Variants in CHRNG observed in about 807,000 individuals in gnomAD.
CHRNG encodes the protein acetylcholine receptor subunit gamma.
In CHRNG, 72 loss-of-function variants were observed where a neutral mutation model predicts 65.2. The ratio of observed to expected loss-of-function variants is 1.10; its 90% CI spans 0.91 to 1.34. The LOEUF is 1.34. Ranked by LOEUF, CHRNG falls within the 40% of genes most tolerant of loss-of-function variation. The pLI, the probability that CHRNG is intolerant of heterozygous loss-of-function variation, is 0.00. For missense variants in CHRNG, 637 were observed against 680.1 expected (o/e 0.94, Z 0.70); for synonymous variants, 284 against 290.2 (o/e 0.98, Z 0.22).
rs1278380888 is a variant in CHRNG at position 232,541,482 on chromosome 2, A to C, written c.459A>C (p.Ser153=). ...PAIFRSACSI[S]VTYFPFDWQN... is the part of the protein sequence containing the mutation. ...TCTTCCGTTCCGCCTGCTCTATCTCAGTCACCTACTTCCCCTTCGACTGGC... is the reference window on the plus strand; with the variant it reads ...TCTTCCGTTCCGCCTGCTCTATCTCCGTCACCTACTTCCCCTTCGACTGGC... Residue 153 remains serine (S), a synonymous_variant, in exon 5 of 12, where the codon TCA becomes TCC. Coordinates refer to ENST00000651502, the MANE Select transcript of CHRNG (RefSeq NM_005199.5). This position sits in a 1 kb window ranked among gnomAD's most constrained non-coding sequence, Gnocchi z 4.0. The C allele has an allele frequency of 1.9e-6, 3 of 1,613,806 alleles. No individual in the cohort carries two copies. The highest frequency in any genetic ancestry group is 3.3e-5 in the Admixed American group (2 of 59,988).
In CHRNG at chr2:232,547,856, A is replaced by G. The variant is rs934480178; in HGVS notation, c.*2140A>G. 9.7e-5 allele frequency: 34 copies of G among 351,076 alleles called. No homozygotes were observed. Among genetic ancestry groups the G allele is most frequent in the Middle Eastern group, 7.4e-4 (1 of 1,350 alleles). The allele number at this position is 351,076 out of a possible 1,614,324, so 21.7% of individuals were successfully genotyped here. ...AATGTTAACATTAGCTGCCATTACT[A>G]TAAGTTACTGTCTCATGGGATCCAT... On this transcript the variant is annotated 3_prime_UTR_variant, in exon 12 of 12. Coordinates refer to ENST00000651502, the MANE Select transcript of CHRNG (RefSeq NM_005199.5).
rs774448910 is a variant in CHRNG at position 232,540,631 on chromosome 2, T to C, written c.270T>C (p.Asp90=). 1 of 1,612,780 alleles carries C rather than the reference T, an allele frequency of 6.2e-7. No homozygotes were observed. The highest frequency in any genetic ancestry group is 2.2e-5 in the East Asian group (1 of 44,858). ...MQWCDYRLRW[D]PRDYEGLWVL... ...GGTGCGACTATCGCCTGCGCTGGGA[T>C]CCGCGAGACTACGAAGGCCTGTGGG... is the stretch of plus-strand genomic sequence containing the variant. The change falls in exon 4 of 12, where the codon GAT becomes GAC. Residue 90 remains aspartate, a synonymous_variant. Transcript: ENST00000651502. This position sits in a 1 kb window ranked among gnomAD's most constrained non-coding sequence, Gnocchi z 4.2.
At chr2:232,539,826 C>T (rs754428184) in intron 1 of CHRNG, 24 bp downstream of exon 1, 66 of 1,613,416 alleles carry the variant, frequency 4.1e-5, no homozygotes, top group Non-Finnish European at 5.2e-5. Context: ...GAATCTCAGC[C>T]TGGGGAGTCC....
chr2:232,543,477 T>TCCAC lies in CHRNG; in HGVS notation c.920+91_920+94dup. 3 of 1,133,388 alleles carry TCCAC rather than the reference T, an allele frequency of 2.6e-6. No individual in the cohort carries two copies. In the East Asian group the frequency reaches 7.7e-5, roughly 29 times the overall value. 70.2% of individuals were successfully genotyped at this position (1,133,388 alleles called of 1,614,324 possible). On this transcript the variant is annotated intron_variant, in intron 8 of 11. Coordinates refer to ENST00000651502, the MANE Select transcript of CHRNG (RefSeq NM_005199.5). ...TCCTGCATTGCCCTCTTGCCCTCCA[T>TCCAC]CCACCCCCCCCATCCTCAATTCAGG...
chr2:232,540,722 G>T lies in CHRNG; in HGVS notation c.350+11G>T, dbSNP rs766502749. 4.4e-6 allele frequency: 7 copies of T among 1,605,636 alleles called. No individual in the cohort carries two copies. The African/African-American group carries it at 5.3e-5, about 12-fold the overall frequency. ...CGTGCTGGAGAACAAGTGAGGAGGG[G>T]GTGCAGGCAGGGGTGTGGGGGACAA... On this transcript the variant is annotated intron_variant, in intron 4 of 11. Transcript: ENST00000651502. This position sits in a 1 kb window ranked among gnomAD's most constrained non-coding sequence, Gnocchi z 4.2.
At position 232,543,351 on chromosome 2, in the gene CHRNG, G is replaced by T. The variant is rs777842737; in HGVS notation, c.882G>T (p.Lys294Asn). 12 of 1,614,006 alleles carry T rather than the reference G, an allele frequency of 7.4e-6. No homozygotes were observed. The South Asian group carries it at 1.3e-4, about 18-fold the overall frequency. The change falls in exon 8 of 12, where the codon AAG (lysine) becomes AAT (asparagine). Residue 294 changes from lysine (K) to asparagine (N), a missense_variant. Coordinates refer to ENST00000651502, the MANE Select transcript of CHRNG (RefSeq NM_005199.5). ...QTVFLFLVAK[K>N]VPETSQAVPL... is the part of the protein sequence containing the mutation. The stretch of plus-strand genomic sequence containing the variant: ...TCTTCCTCTTCCTTGTGGCCAAGAA[G>T]GTGCCTGAAACCTCCCAGGCGGTGC...
Position 232,543,325 on chromosome 2 carries a change from G to GTC in CHRNG, c.858_859dup (p.Phe287SerfsTer24), listed in dbSNP as rs1238333983. The GTC allele has an allele frequency of 6.2e-7, 1 of 1,614,072 alleles. No homozygotes were observed. On this transcript the variant is annotated frameshift_variant, in exon 8 of 12. Transcript: ENST00000651502. LOFTEE classifies it high-confidence loss of function. ...CATCAACGTGCTCCTGGCCCAGACT[G>GTC]TCTTCCTCTTCCTTGTGGCCAAGAA...
intron 5 of CHRNG, 81 bp from the exon 6 acceptor site, chr2:232,542,342 C>A: frequency 2.2e-6 from 2 of 907,248 alleles, no homozygotes; most frequent in Non-Finnish European, 3.6e-6. Context: ...GCTGCCCACA[C>A]TTGTCCCCAG....
chr2:232,547,724 C>T lies in CHRNG; in HGVS notation c.*2008C>T, dbSNP rs976383730. 2.0e-5 allele frequency among the ~76,000 whole-genome samples: 3 copies of T among 152,168 alleles called. No individual in the cohort carries two copies. Among genetic ancestry groups the T allele is most frequent in the Admixed American group, 1.3e-4 (2 of 15,274 alleles). On this transcript the variant is annotated 3_prime_UTR_variant, in exon 12 of 12. Coordinates refer to ENST00000651502, the MANE Select transcript of CHRNG (RefSeq NM_005199.5). Reference sequence around the variant, plus strand: ...AATCTGATGACAGTGGGGCCATTTCCGGTTCCCACCAGCCCCTTACTAGTT... The same window carrying T: ...AATCTGATGACAGTGGGGCCATTTCTGGTTCCCACCAGCCCCTTACTAGTT...
In CHRNG at chr2:232,543,230, G is replaced by A. The variant is rs751486796; in HGVS notation, c.806-45G>A. ...TGGGGTAAGGGGTTCCTCTGTGGGT[G>A]GGGGAGGTAGGAACCTGCTCTGAGA... On this transcript the variant is annotated intron_variant, in intron 7 of 11. Coordinates refer to ENST00000651502, the MANE Select transcript of CHRNG (RefSeq NM_005199.5). The A allele has an allele frequency of 2.6e-6, 4 of 1,552,182 alleles. No individual in the cohort carries two copies. In the African/African-American group the frequency reaches 5.4e-5, roughly 21 times the overall value.
At chr2:232,542,371 T>C in intron 5 of CHRNG, 52 bp from the exon 6 acceptor site, 1 of 1,211,966 alleles carries the variant, frequency 8.3e-7, no homozygotes, top group Non-Finnish European at 1.2e-6. Context: ...CCCCATGCAG[T>C]CGTGGCAGGT....
Position 232,543,371 on chromosome 2 carries a change from C to A in CHRNG, c.902C>A (p.Ala301Glu). Reference sequence around the variant, plus strand: ...AAGAAGGTGCCTGAAACCTCCCAGGCGGTGCCACTCATCAGCAAGTAAGGC... The same window carrying A: ...AAGAAGGTGCCTGAAACCTCCCAGGAGGTGCCACTCATCAGCAAGTAAGGC... ...VAKKVPETSQ[A>E]VPLISKYLTF... The change falls in exon 8 of 12, where the codon GCG becomes GAG. Residue 301 changes from alanine to glutamate, a missense_variant. Transcript: ENST00000651502. The A allele has an allele frequency of 6.2e-7, 1 of 1,613,306 alleles. No individual in the cohort carries two copies. The highest frequency in any genetic ancestry group is 8.5e-7 in the Non-Finnish European group (1 of 1,179,308).
chr2:232,539,910 T>C, intron 1 of CHRNG, 82 bp from the exon 2 acceptor site: 2 of 1,610,200 alleles, frequency 1.2e-6, no homozygotes. Flanking sequence ...CCCAGTTCCC[T>C]GAGTCCCCAC....
At chr2:232,544,633 G>T in intron 10 of CHRNG, 53 bp downstream of exon 10, 2 of 1,579,638 alleles carry the variant, frequency 1.3e-6, no homozygotes, top group South Asian at 1.1e-5. Context: ...ACCCCAGCTG[G>T]GGAGCCAGGC....
At chr2:232,544,311 C>G in intron 9 of CHRNG, 56 bp from the exon 10 acceptor site, 1 of 1,366,010 alleles carries the variant, frequency 7.3e-7, no homozygotes, top group Non-Finnish European at 1.0e-6. Context: ...ACGCCAACCT[C>G]TGGCTTCTGC....
In CHRNG at chr2:232,540,132, G is replaced by C; in HGVS notation, c.195+1G>C. The C allele has an allele frequency of 6.2e-7, 1 of 1,614,164 alleles. No individual in the cohort carries two copies. The highest frequency in any genetic ancestry group is 1.1e-5 in the South Asian group (1 of 91,086). On this transcript the variant is annotated splice_donor_variant, in intron 2 of 11. Transcript: ENST00000651502. LOFTEE classifies it high-confidence loss of function. The surrounding 1 kb of genome is among the most constrained non-coding windows in gnomAD (Gnocchi z 4.2). ...AACCCTCACCAACCTCATCTCCCTG[G>C]TAAGCCGCAGGACGGAGGAGGGGTC...
Position 232,546,634 on chromosome 2 carries a change from GCCT to G in CHRNG, c.*922_*924del, listed in dbSNP as rs936925590. Among the ~76,000 whole-genome samples, 3 of 152,034 alleles carry G rather than the reference GCCT, an allele frequency of 2.0e-5. No homozygotes were observed. Among genetic ancestry groups the G allele is most frequent in the African/African-American group, 7.3e-5 (3 of 41,374 alleles). ...TTACAGGCATAAGCCACTGTACCTG[GCCT>G]CCTTTTTAATTAAGAGCTCCTCACA... On this transcript the variant is annotated 3_prime_UTR_variant, in exon 12 of 12. Transcript: ENST00000651502.
intron 9 of CHRNG, 41 bp downstream of exon 9, chr2:232,543,740 C>T (rs367569763): frequency 8.3e-7 from 1 of 1,206,642 alleles, no homozygotes; most frequent in East Asian, 2.3e-5. Context: ...CCGCTGCCCA[C>T]TCCCCTACGC....
intron 1 of CHRNG, 65 bp from the exon 2 acceptor site, chr2:232,539,927 C>T: frequency 6.2e-7 from 1 of 1,612,324 alleles, no homozygotes; most frequent in Non-Finnish European, 8.5e-7. Context: ...CCACTTCACA[C>T]CCCCAGGGCC....
Sources: gnomAD v4.1 joint callset for allele counts (sites outside exome capture counted in the v4.1 genomes callset) on GRCh38, gnomAD v4.1.1 for gene constraint, Gnocchi (gnomAD v3.1) non-coding constraint, MANE v1.5 for transcripts, NCBI Gene and HGNC (gene_info 2026-07-23, HGNC 2026-07-21) for gene names.